Variants in COL23A1 observed in about 807,000 individuals in gnomAD.
COL23A1 encodes the protein collagen type XXIII alpha 1 chain, also known as collagen alpha-1(XXIII) chain.
COL23A1 carries 97 observed loss-of-function variants against 99.3 expected under a neutral mutation model. That is an observed-to-expected ratio of 0.98 (90% CI 0.83 to 1.16). The LOEUF is 1.16. Ranked by LOEUF, COL23A1 falls within the 50% of genes most tolerant of loss-of-function variation. COL23A1 has a pLI of 0.00. For missense variants in COL23A1, 762 were observed against 757.4 expected (o/e 1.01, Z -0.07); for synonymous variants, 320 against 308.2 (o/e 1.04, Z -0.40).
chr5:178,251,895 T>A (rs1329230002), intron 17 of COL23A1, among the ~76,000 whole-genome samples: 18 of 147,374 alleles, frequency 1.2e-4, no homozygotes, highest in Non-Finnish European at 2.4e-4. Context: ...TTTCTCTCTC[T>A]TTCATTTTCT....
rs895803677 is a variant in COL23A1, at chr5:178,393,793, G to A, written c.362-86874C>T. Among the ~76,000 whole-genome samples, 12 of 152,038 alleles carry A rather than the reference G, an allele frequency of 7.9e-5. 1 individual carries two copies. The East Asian group carries it at 1.7e-3, about 22-fold the overall frequency. Reference sequence around the variant, plus strand: ...TGGGACTACAGGTGTGCACCACCACGCCTGGCTAATTTTTGTACAGATGGG... The same window carrying A: ...TGGGACTACAGGTGTGCACCACCACACCTGGCTAATTTTTGTACAGATGGG... On this transcript the variant is annotated intron_variant, in intron 2 of 28. Coordinates refer to ENST00000390654, the MANE Select transcript of COL23A1 (RefSeq NM_173465.4).
At chr5:178,344,107 G>A (rs954916515) in intron 2 of COL23A1, among the ~76,000 whole-genome samples, 1 of 152,096 alleles carries the variant, frequency 6.6e-6, no homozygotes, top group Non-Finnish European at 1.5e-5. Flanking sequence ...GTTTTATTTT[G>A]CAGTAATATA....
chr5:178,357,710 ATGTG>A (rs1311987026), intron 2 of COL23A1, among the ~76,000 whole-genome samples: 2 of 106,168 alleles, frequency 1.9e-5, no homozygotes, highest in Admixed American at 1.8e-4. Flanking sequence ...CAGATTTAAA[ATGTG>A]TGTATGTGTG....
intron 1 of COL23A1, among the ~76,000 whole-genome samples, chr5:178,585,749 T>TACAGCCCTGGATGGTGCTGGGGTAAC (rs1562115741): frequency 6.6e-6 from 1 of 151,408 alleles, no homozygotes; most frequent in Non-Finnish European, 1.5e-5. Flanking sequence ...TGGCTGACCC[T>TACAGCCCTGGATGGTGCTGGGGTAAC]GTTGGTTGCT....
chr5:178,514,751 G>C (rs1341332815), intron 2 of COL23A1, among the ~76,000 whole-genome samples: 1 of 152,192 alleles, frequency 6.6e-6, no homozygotes, highest in Non-Finnish European at 1.5e-5. Context: ...GACATGTATG[G>C]GAGGAAAAAT....
At chr5:178,542,622 A>T (rs1581600509) in intron 2 of COL23A1, among the ~76,000 whole-genome samples, 2 of 148,770 alleles carry the variant, frequency 1.3e-5, no homozygotes. Flanking sequence ...GTGGAAAGAA[A>T]TGTGGAAGAG....
chr5:178,256,492 C>G, intron 14 of COL23A1, 95 bp from the exon 15 acceptor site: 1 of 1,226,102 alleles, frequency 8.2e-7, no homozygotes, highest in Non-Finnish European at 1.1e-6. Context: ...CCAGGAGGGC[C>G]CAGGGCCCGA....
intron 2 of COL23A1, among the ~76,000 whole-genome samples, chr5:178,411,329 CAAAT>C (rs1765043895): frequency 6.6e-6 from 1 of 152,180 alleles, no homozygotes; most frequent in Non-Finnish European, 1.5e-5. Flanking sequence ...AACAGGAACT[CAAAT>C]ACATACATGT....
rs907218202 is a variant in COL23A1, at chr5:178,365,012, TCTTC to T, written c.362-58097_362-58094del. ...AGCCTGAATTTATTAAGCAATGGGC[TCTTC>T]CTGTCAGGCGAATAAACAGATGCAC... On this transcript the variant is annotated intron_variant, in intron 2 of 28. Coordinates refer to ENST00000390654, the MANE Select transcript of COL23A1 (RefSeq NM_173465.4). The surrounding 1 kb of genome is among the most constrained non-coding windows in gnomAD (Gnocchi z 5.2). Among the ~76,000 whole-genome samples, 3 of 152,180 alleles carry T rather than the reference TCTTC, an allele frequency of 2.0e-5. No individual in the cohort carries two copies. Among genetic ancestry groups the T allele is most frequent in the Non-Finnish European group, 4.4e-5 (3 of 68,034 alleles).
At position 178,365,080 on chromosome 5, in the gene COL23A1, T is replaced by C. The variant is rs1431622191; in HGVS notation, c.362-58161A>G. ...AGTAAAGAATAAACCGTAGGGGCAA[T>C]AACAATCTCTTTGTAATTTCTCTTT... On this transcript the variant is annotated intron_variant, in intron 2 of 28. Coordinates refer to ENST00000390654, the MANE Select transcript of COL23A1 (RefSeq NM_173465.4). The surrounding 1 kb of genome is among the most constrained non-coding windows in gnomAD (Gnocchi z 5.2). Among the ~76,000 whole-genome samples the C allele has an allele frequency of 1.3e-5, 2 of 152,118 alleles. No homozygotes were observed. Among genetic ancestry groups the C allele is most frequent in the Non-Finnish European group, 2.9e-5 (2 of 68,018 alleles).
intron 2 of COL23A1, among the ~76,000 whole-genome samples, chr5:178,343,605 G>C (rs1013050789): frequency 2.0e-5 from 3 of 151,884 alleles, no homozygotes; most frequent in Non-Finnish European, 4.4e-5. Context: ...CCGTGCATGG[G>C]AGTTCATGAC....
At chr5:178,337,002 C>T (rs1366752839) in intron 2 of COL23A1, among the ~76,000 whole-genome samples, 2 of 152,068 alleles carry the variant, frequency 1.3e-5, no homozygotes, top group Non-Finnish European at 2.9e-5. Context: ...CCGGAGCCAG[C>T]GAGCTGCTCA....
intron 3 of COL23A1, among the ~76,000 whole-genome samples, chr5:178,294,219 GCCTCCCCAAATCACTACCGAGCTC>G: frequency 2.0e-5 from 3 of 147,002 alleles, no homozygotes; most frequent in Admixed American, 6.8e-5. Flanking sequence ...GTGGTGATCT[GCCTCCCCAAATCACTACCGAGCTC>G]CCTCCCCAAA....
At chr5:178,586,059 G>GT (rs1262833282) in intron 1 of COL23A1, among the ~76,000 whole-genome samples, 1 of 152,150 alleles carries the variant, frequency 6.6e-6, no homozygotes, top group Non-Finnish European at 1.5e-5. Context: ...GAAGACATAG[G>GT]TTCACAGCTG....
intron 2 of COL23A1, among the ~76,000 whole-genome samples, chr5:178,338,525 C>G (rs1158049173): frequency 7.7e-6 from 1 of 130,346 alleles, no homozygotes; most frequent in Non-Finnish European, 1.7e-5. Flanking sequence ...GGTTGCTCCC[C>G]CAAGAATGGG....
chr5:178,330,289 A>C (rs1276984066), intron 2 of COL23A1, among the ~76,000 whole-genome samples: 1 of 152,184 alleles, frequency 6.6e-6, no homozygotes, highest in Non-Finnish European at 1.5e-5. Context: ...CTCAGTCCTC[A>C]CAGCAACCCT....
chr5:178,577,955 G>T (rs987007325), intron 1 of COL23A1, among the ~76,000 whole-genome samples: 1 of 152,004 alleles, frequency 6.6e-6, no homozygotes, highest in Non-Finnish European at 1.5e-5. Flanking sequence ...GAGGCGATAA[G>T]GTCAGGCTGG....
chr5:178,367,067 C>T (rs1762522442), intron 2 of COL23A1, among the ~76,000 whole-genome samples: 1 of 152,228 alleles, frequency 6.6e-6, no homozygotes, highest in South Asian at 2.1e-4. Flanking sequence ...TTTGGGCTGA[C>T]TGCTGAACAG....
chr5:178,246,335 G>T (rs1304776988), intron 23 of COL23A1, 28 bp from the exon 24 acceptor site: 7 of 1,558,824 alleles, frequency 4.5e-6, no homozygotes, highest in Non-Finnish European at 6.1e-6. Flanking sequence ...GAGTCAAGAG[G>T]CATGCTAGTG....
Sources: allele counts gnomAD v4.1 joint callset (sites outside exome capture counted in the v4.1 genomes callset), GRCh38; gene constraint gnomAD v4.1.1; non-coding constraint Gnocchi (gnomAD v3.1); transcripts MANE v1.5; gene names NCBI Gene and HGNC (gene_info 2026-07-23, HGNC 2026-07-21).